The following SYNDIG1 variants were observed in gnomAD, a reference collection of about 807,000 sequenced individuals.
The protein encoded by SYNDIG1 is synapse differentiation-inducing gene protein 1.
A neutral mutation model predicts 19.4 loss-of-function variants in SYNDIG1; 9 were observed. That is an observed-to-expected ratio of 0.46 (90% confidence interval 0.28 to 0.81). SYNDIG1 has a LOEUF of 0.81. Ranked by LOEUF, SYNDIG1 falls within the 30% of genes least tolerant of loss-of-function variation. SYNDIG1 has a pLI of 0.12. For synonymous variants in SYNDIG1, 141 were observed against 145.9 expected, an observed-to-expected ratio of 0.97 and a Z score of 0.24; for missense variants, 311 against 343.3, an observed-to-expected ratio of 0.91 and a Z score of 0.74.
chr20:24,543,328 C>T lies in SYNDIG1; in HGVS notation c.231C>T (p.Asn77=). 6.2e-7 allele frequency: 1 copy of T among 1,613,566 alleles called. No homozygotes were observed. Among genetic ancestry groups the T allele is most frequent in the Non-Finnish European group, 8.5e-7 (1 of 1,180,022 alleles). ...SEPMQQLLDP[N]TLQQSVESRY... ...CGATGCAGCAGCTGCTGGACCCCAA[C>T]ACCCTGCAGCAGTCAGTGGAGTCCC... Residue 77 remains asparagine (N), a synonymous_variant, in exon 2 of 4, where the codon AAC becomes AAT. Coordinates refer to ENST00000376862, the MANE Select transcript of SYNDIG1 (RefSeq NM_024893.3).
intron 1 of SYNDIG1, among the ~76,000 whole-genome samples, chr20:24,499,150 G>A (rs949615504): frequency 4.6e-5 from 7 of 152,056 alleles, no homozygotes; most frequent in Admixed American, 6.5e-5. Context: ...TCAGCCTCCC[G>A]AGTAGCTAGG....
chr20:24,535,004 C>T (rs927133709), intron 1 of SYNDIG1, among the ~76,000 whole-genome samples: 7 of 152,210 alleles, frequency 4.6e-5, no homozygotes, highest in Non-Finnish European at 1.0e-4. Flanking sequence ...ATGGTTTTCA[C>T]TTGCATTGAG....
rs546174028 is a variant in SYNDIG1, at chr20:24,638,999, G to A, written c.619-26347G>A. On this transcript the variant is annotated intron_variant, in intron 3 of 3. Coordinates refer to ENST00000376862, the MANE Select transcript of SYNDIG1 (RefSeq NM_024893.3). ...GCTGGGCCTCCCTGCCAGCGTGGTG[G>A]GTGCAGCTGACATCAGCAGCAGGTG... Among the ~76,000 whole-genome samples the A allele has an allele frequency of 1.1e-4, 16 of 152,180 alleles. No homozygotes were observed. The East Asian group carries it at 2.9e-3, about 28-fold the overall frequency.
At chr20:24,522,835 G>A (rs2146554106) in intron 1 of SYNDIG1, among the ~76,000 whole-genome samples, 1 of 152,290 alleles carries the variant, frequency 6.6e-6, no homozygotes, top group East Asian at 1.9e-4. Context: ...CAGCCAACAT[G>A]TCACCTGGTG....
chr20:24,656,830 C>T (rs937444178), intron 3 of SYNDIG1, among the ~76,000 whole-genome samples: 1 of 152,224 alleles, frequency 6.6e-6, no homozygotes, highest in African/African-American at 2.4e-5. Context: ...TTATCCCCTC[C>T]GAATCTCATA....
rs4815287 is a variant in SYNDIG1, at chr20:24,622,320, C to T, written c.618+37327C>T. On this transcript the variant is annotated intron_variant, in intron 3 of 3. Coordinates refer to ENST00000376862, the MANE Select transcript of SYNDIG1 (RefSeq NM_024893.3). ...AAAGGAAATGACCCAAACTGAAACACAAAGAAAAAAAGGATGGAAAATAAA... is the reference window on the plus strand; with the variant it reads ...AAAGGAAATGACCCAAACTGAAACATAAAGAAAAAAAGGATGGAAAATAAA... 2.0e-5 allele frequency among the ~76,000 whole-genome samples: 3 copies of T among 151,878 alleles called. No individual in the cohort carries two copies. The South Asian group carries it at 6.2e-4, about 32-fold the overall frequency.
intron 3 of SYNDIG1, among the ~76,000 whole-genome samples, chr20:24,589,456 C>T (rs558319807): frequency 4.6e-5 from 7 of 152,326 alleles, no homozygotes; most frequent in Admixed American, 2.6e-4. Flanking sequence ...AATTCACCAT[C>T]CCCCCACCCT....
At chr20:24,547,380 G>A (rs1049216467) in intron 2 of SYNDIG1, among the ~76,000 whole-genome samples, 2 of 152,244 alleles carry the variant, frequency 1.3e-5, no homozygotes, top group African/African-American at 4.8e-5. Flanking sequence ...ACAAGAACAG[G>A]TTCTATGGCT....
chr20:24,542,079 A>G (rs1370009900), intron 1 of SYNDIG1, among the ~76,000 whole-genome samples: 1 of 152,230 alleles, frequency 6.6e-6, no homozygotes, highest in African/African-American at 2.4e-5. Context: ...AGAGATATCG[A>G]AGGATGCGGA....
chr20:24,578,974 C>T (rs1008589109), intron 2 of SYNDIG1, among the ~76,000 whole-genome samples: 8 of 152,250 alleles, frequency 5.3e-5, no homozygotes, highest in East Asian at 1.9e-4. Flanking sequence ...GTGGCCGGCA[C>T]GCAGGCTTGA....
intron 2 of SYNDIG1, among the ~76,000 whole-genome samples, chr20:24,581,502 G>C (rs1204539012): frequency 3.3e-5 from 5 of 152,058 alleles, no homozygotes; most frequent in African/African-American, 1.2e-4. Context: ...GGGTTGGTTT[G>C]TCAGAGATTG....
chr20:24,568,430 G>T (rs2058089460), intron 2 of SYNDIG1, among the ~76,000 whole-genome samples: 1 of 152,130 alleles, frequency 6.6e-6, no homozygotes, highest in South Asian at 2.1e-4. Context: ...GAGAATATCA[G>T]ACTCCTAGGG....
At chr20:24,542,046 A>G (rs1600569447) in intron 1 of SYNDIG1, among the ~76,000 whole-genome samples, 1 of 152,236 alleles carries the variant, frequency 6.6e-6, no homozygotes, top group South Asian at 2.1e-4. Flanking sequence ...GGCAATATAT[A>G]TGACAAACCA....
At chr20:24,642,825 G>A (rs1243898229) in intron 3 of SYNDIG1, among the ~76,000 whole-genome samples, 1 of 152,072 alleles carries the variant, frequency 6.6e-6, no homozygotes, top group East Asian at 1.9e-4. Context: ...TCTTTCATTA[G>A]AGAATAGGGT....
chr20:24,479,590 T>G (rs1202790441), intron 1 of SYNDIG1, among the ~76,000 whole-genome samples: 1 of 152,170 alleles, frequency 6.6e-6, no homozygotes, highest in African/African-American at 2.4e-5. Flanking sequence ...CTAGCCCCTG[T>G]GCTTCTTCCT....
chr20:24,474,049 C>T (rs909312298), intron 1 of SYNDIG1, among the ~76,000 whole-genome samples: 1 of 152,026 alleles, frequency 6.6e-6, no homozygotes, highest in African/African-American at 2.4e-5. Flanking sequence ...AGGAATGTAC[C>T]CAGGGTGTGT....
chr20:24,635,595 T>A (rs2059307087), intron 3 of SYNDIG1, among the ~76,000 whole-genome samples: 4 of 152,210 alleles, frequency 2.6e-5, no homozygotes, highest in African/African-American at 9.6e-5. Context: ...AACTGGAGAC[T>A]TTTCTTGATG....
At chr20:24,503,382 C>A (rs901559573) in intron 1 of SYNDIG1, among the ~76,000 whole-genome samples, 3 of 152,042 alleles carry the variant, frequency 2.0e-5, no homozygotes, top group African/African-American at 7.2e-5. Flanking sequence ...GAGGTGAGCA[C>A]CTCAAATATA....
rs536227516 is a variant in SYNDIG1, at chr20:24,543,232, G to A, written c.135G>A (p.Ala45=). The change falls in exon 2 of 4, where the codon GCG becomes GCA. Residue 45 remains alanine, a synonymous_variant. Transcript: ENST00000376862. ...ATGGTCTGGTGTCTGTTTACCCAGC[G>A]CCCCAGTACCAGAGCCACCGGGTGG... ...SRDGLVSVYP[A]PQYQSHRVGA... 72 of 1,613,702 alleles carry A rather than the reference G, an allele frequency of 4.5e-5. No individual in the cohort carries two copies. The highest frequency in any genetic ancestry group is 1.1e-4 in the African/African-American group (8 of 74,860).
Sources: gnomAD v4.1 joint callset for allele counts (sites outside exome capture counted in the v4.1 genomes callset) on GRCh38, gnomAD v4.1.1 for gene constraint, MANE v1.5 for transcripts, NCBI Gene and HGNC (gene_info 2026-07-23, HGNC 2026-07-21) for gene names.